Variants in MMP26 observed in about 807,000 individuals in gnomAD.
MMP26 encodes the protein matrix metallopeptidase 26.
MMP26 carries 33 observed loss-of-function variants against 31.0 expected under a neutral mutation model. The ratio of observed to expected loss-of-function variants is 1.06; its 90% CI spans 0.81 to 1.42. MMP26 has a LOEUF of 1.42. Among genes scored for constraint, MMP26 ranks in the 40% most tolerant of loss-of-function variants. The pLI is 0.00. For missense variants in MMP26, 347 were observed against 316.1 expected (o/e 1.10, Z -0.74); for synonymous variants, 122 against 114.9 (o/e 1.06, Z -0.40).
At chr11:4,831,028 T>C (rs1183816008) in intron 2 of MMP26, among the ~76,000 whole-genome samples, 2 of 152,184 alleles carry the variant, frequency 1.3e-5, no homozygotes, top group East Asian at 1.9e-4. Flanking sequence ...GCCTGCCTCA[T>C]AGCTCCTAAC....
chr11:4,867,323 A>T (rs1437344530), intron 2 of MMP26, among the ~76,000 whole-genome samples: 1 of 151,988 alleles, frequency 6.6e-6, no homozygotes, highest in Non-Finnish European at 1.5e-5. Context: ...ACCAACAAAC[A>T]TATGACAAAA....
intron 2 of MMP26, chr11:4,848,874 A>G (rs1320869521): frequency 1.9e-6 from 3 of 1,614,206 alleles, no homozygotes; most frequent in Admixed American, 1.7e-5. Context: ...AAAGACATGG[A>G]TAAAAACCAT....
At chr11:4,955,754 C>A (rs184799141) in intron 2 of MMP26, 5 of 1,567,540 alleles carry the variant, frequency 3.2e-6, no homozygotes, top group African/African-American at 2.7e-5. Context: ...TACAGATACA[C>A]CTGACCTCAG....
At chr11:4,981,710 T>A (rs906209166) in intron 2 of MMP26, among the ~76,000 whole-genome samples, 2 of 152,132 alleles carry the variant, frequency 1.3e-5, no homozygotes, top group Non-Finnish European at 2.9e-5. Context: ...TTTTTTAAAC[T>A]TTTGAATCTT....
chr11:4,921,933 A>G (rs1851190860), intron 2 of MMP26, among the ~76,000 whole-genome samples: 1 of 152,176 alleles, frequency 6.6e-6, no homozygotes, highest in African/African-American at 2.4e-5. Context: ...CTGGCCTTTT[A>G]CTGTAACCAT....
intron 1 of MMP26, among the ~76,000 whole-genome samples, chr11:4,760,281 AATTT>A (rs1281324986): frequency 6.6e-6 from 1 of 152,144 alleles, no homozygotes; most frequent in African/African-American, 2.4e-5. Context: ...TTAATTAATT[AATTT>A]ATTTACCTCT....
chr11:4,899,066 T>C (rs1351797444), intron 2 of MMP26, among the ~76,000 whole-genome samples: 4 of 152,070 alleles, frequency 2.6e-5, no homozygotes, highest in East Asian at 1.9e-4. Flanking sequence ...AGTAACTGAA[T>C]GTGGCCTGCT....
intron 2 of MMP26, chr11:4,804,298 A>T: frequency 6.2e-7 from 1 of 1,614,136 alleles, no homozygotes; most frequent in Non-Finnish European, 8.5e-7. Flanking sequence ...GGCAATCCAC[A>T]ACTGGAAACT....
intron 2 of MMP26, chr11:4,915,721 G>A: frequency 1.6e-6 from 2 of 1,214,158 alleles, no homozygotes; most frequent in Admixed American, 2.0e-5. Flanking sequence ...GTAAATTGAG[G>A]CAGTACTGGT....
At chr11:4,717,214 G>C (rs555751898) in intron 1 of MMP26, among the ~76,000 whole-genome samples, 1 of 152,082 alleles carries the variant, frequency 6.6e-6, no homozygotes, top group Non-Finnish European at 1.5e-5. Flanking sequence ...TTGCACATTT[G>C]TTTTCTGAAC....
At chr11:4,797,128 A>G (rs1355901827) in intron 2 of MMP26, among the ~76,000 whole-genome samples, 1 of 152,214 alleles carries the variant, frequency 6.6e-6, no homozygotes, top group East Asian at 1.9e-4. Context: ...TGCTGGGCAT[A>G]CAGCAATAAG....
At chr11:4,923,738 C>T (rs1177149406) in intron 2 of MMP26, 2 of 1,613,948 alleles carry the variant, frequency 1.2e-6, no homozygotes, top group South Asian at 2.2e-5. Flanking sequence ...AACAAAGAGC[C>T]CATAGATGTG....
At chr11:4,879,505 T>TTTGAGTACCATTTCTGAAATAGGC (rs1850428778) in intron 2 of MMP26, among the ~76,000 whole-genome samples, 1 of 152,064 alleles carries the variant, frequency 6.6e-6, no homozygotes, top group Non-Finnish European at 1.5e-5. Context: ...ATTTCAAAAT[T>TTTGAGTACCATTTCTGAAATAGGC]TTGAGTACCA....
intron 2 of MMP26, among the ~76,000 whole-genome samples, chr11:4,977,002 AAG>A (rs1564818064): frequency 6.6e-6 from 1 of 152,044 alleles, no homozygotes; most frequent in Non-Finnish European, 1.5e-5. Context: ...GCTCATGTTT[AAG>A]AGCACCTGAA....
intron 2 of MMP26, chr11:4,847,595 T>C (rs776742265): frequency 2.0e-5 from 3 of 152,236 alleles, no homozygotes; most frequent in Non-Finnish European, 4.4e-5. Context: ...CTCATTTCTT[T>C]GTGTTGAGGA....
chr11:4,811,741 C>G (rs1463545544), intron 2 of MMP26, among the ~76,000 whole-genome samples: 3 of 152,094 alleles, frequency 2.0e-5, no homozygotes, highest in African/African-American at 7.2e-5. Flanking sequence ...TCATTTCTGA[C>G]TCTTCCACAG....
chr11:4,869,623 C>T (rs1850284096), intron 2 of MMP26, among the ~76,000 whole-genome samples: 1 of 152,122 alleles, frequency 6.6e-6, no homozygotes, highest in South Asian at 2.1e-4. Flanking sequence ...GTTGGTGGGA[C>T]TGTAAACTGG....
chr11:4,715,697 G>T (rs1002726039), intron 1 of MMP26, among the ~76,000 whole-genome samples: 2 of 152,152 alleles, frequency 1.3e-5, no homozygotes, highest in African/African-American at 4.8e-5. Flanking sequence ...AACCTATAAA[G>T]ATTTGGAGAC....
chr11:4,815,477 C>T (rs1849408147), intron 2 of MMP26, among the ~76,000 whole-genome samples: 1 of 151,948 alleles, frequency 6.6e-6, no homozygotes, highest in Admixed American at 6.6e-5. Context: ...TTACCTGACA[C>T]AGTTCCCAGC....
Sources: allele counts gnomAD v4.1 joint callset (sites outside exome capture counted in the v4.1 genomes callset), GRCh38; gene constraint gnomAD v4.1.1; transcripts MANE v1.5; gene names NCBI Gene and HGNC (gene_info 2026-07-23, HGNC 2026-07-21).